Variants in CNOT6L observed in about 807,000 individuals in gnomAD.
CNOT6L encodes the protein CCR4-NOT transcription complex subunit 6 like.
In CNOT6L, 7 loss-of-function variants were observed where a neutral mutation model predicts 64.0. That is an observed-to-expected ratio of 0.11 (90% CI 0.06 to 0.21). The LOEUF (loss-of-function observed/expected upper bound fraction) is 0.21, where lower values mean the gene tolerates loss of function less well. CNOT6L is among the 10% of genes least tolerant of loss of function. CNOT6L has a pLI of 1.00. For synonymous variants in CNOT6L, 193 were observed against 243.4 expected (o/e 0.79, Z 1.93); for missense variants, 245 against 669.0 (o/e 0.37, Z 6.99).
chr4:77,764,704 T>C (rs1036479108), intron 4 of CNOT6L, among the ~76,000 whole-genome samples: 1 of 152,180 alleles, frequency 6.6e-6, no homozygotes, highest in Non-Finnish European at 1.5e-5. Context: ...TATCACCTTT[T>C]GTCAGAACTC....
chr4:77,775,803 T>C (rs1031957830), intron 2 of CNOT6L, among the ~76,000 whole-genome samples: 1 of 152,200 alleles, frequency 6.6e-6, no homozygotes, highest in African/African-American at 2.4e-5. Flanking sequence ...GTTTTTCTCA[T>C]TATTAGACTG....
At position 77,757,273 on chromosome 4, in the gene CNOT6L, C is replaced by G. The variant is rs563727736; in HGVS notation, c.401-322G>C. 1.2e-4 allele frequency among the ~76,000 whole-genome samples: 19 copies of G among 152,182 alleles called. 1 individual carries two copies. The South Asian group carries it at 3.9e-3, about 32-fold the overall frequency. The stretch of plus-strand genomic sequence containing the variant: ...TTCTACATTAATCTTTGAAAACCTG[C>G]ATTTATCTTTTAAGACCACAGACAA... On this transcript the variant is annotated intron_variant, in intron 4 of 11. Transcript: ENST00000504123.
chr4:77,768,861 C>CTCA (rs1727194295), intron 4 of CNOT6L, among the ~76,000 whole-genome samples: 8 of 152,020 alleles, frequency 5.3e-5, no homozygotes, highest in Admixed American at 2.0e-4. Context: ...TCTTTTAGTA[C>CTCA]AACCACTTTG....
chr4:77,725,797 G>A (rs1326218218), intron 11 of CNOT6L, among the ~76,000 whole-genome samples: 2 of 152,056 alleles, frequency 1.3e-5, no homozygotes, highest in African/African-American at 2.4e-5. Context: ...GTGCTTTTCT[G>A]TGGGGGGCGG....
intron 6 of CNOT6L, among the ~76,000 whole-genome samples, chr4:77,745,320 A>G (rs1242628103): frequency 6.6e-6 from 1 of 152,236 alleles, no homozygotes; most frequent in Admixed American, 6.5e-5. Flanking sequence ...GCAGAAGAGT[A>G]TGGACTAACA....
chr4:77,726,227 T>C lies in CNOT6L; in HGVS notation c.1395A>G (p.Gln465=), dbSNP rs1168955793. The part of the protein sequence containing the change: ...SSEGRITHGF[Q]LKSAYENNLM... ...AGTTATTTTCATAGGCGCTCTTAAG[T>C]TGGAAGCCATGTGTGATTCTCCCTT... The change falls in exon 11 of 12, where the codon CAA becomes CAG. Residue 465 remains glutamine, a synonymous_variant. Coordinates refer to ENST00000504123, the MANE Select transcript of CNOT6L (RefSeq NM_144571.3). 1.2e-6 allele frequency: 2 copies of C among 1,613,904 alleles called. No individual in the cohort carries two copies. Among genetic ancestry groups the C allele is most frequent in the Non-Finnish European group, 1.7e-6 (2 of 1,179,808 alleles).
At chr4:77,790,391 T>C (rs1431784608) in intron 1 of CNOT6L, among the ~76,000 whole-genome samples, 2 of 152,236 alleles carry the variant, frequency 1.3e-5, no homozygotes, top group African/African-American at 4.8e-5. Flanking sequence ...GGTTTTTGTG[T>C]AGACATAAGT....
intron 4 of CNOT6L, among the ~76,000 whole-genome samples, chr4:77,770,536 A>G (rs1422067516): frequency 6.6e-6 from 1 of 152,212 alleles, no homozygotes; most frequent in Non-Finnish European, 1.5e-5. Flanking sequence ...GGTTTTCTGG[A>G]TCACCTTGGA....
chr4:77,728,780 T>C (rs1038055236), intron 10 of CNOT6L, 74 bp downstream of exon 10: 14 of 1,146,318 alleles, frequency 1.2e-5, no homozygotes, highest in Non-Finnish European at 1.8e-5. Context: ...TACTCAAAAT[T>C]TAGGAGCTAG....
intron 1 of CNOT6L, among the ~76,000 whole-genome samples, chr4:77,816,697 CAAAT>C (rs1476707143): frequency 2.6e-5 from 4 of 152,024 alleles, no homozygotes; most frequent in African/African-American, 9.7e-5. Context: ...ATTATTGATA[CAAAT>C]AAATTACGTA....
intron 4 of CNOT6L, among the ~76,000 whole-genome samples, chr4:77,760,977 A>G (rs1726163582): frequency 6.8e-6 from 1 of 147,546 alleles, no homozygotes; most frequent in African/African-American, 2.5e-5. Context: ...CGGCCTCCCA[A>G]AGTGCTGGGA....
intron 1 of CNOT6L, among the ~76,000 whole-genome samples, chr4:77,787,295 G>A (rs1162284568): frequency 1.3e-5 from 2 of 151,958 alleles, no homozygotes; most frequent in Admixed American, 6.6e-5. Flanking sequence ...AATAATAATA[G>A]ATGACACTAC....
chr4:77,742,346 T>G, intron 7 of CNOT6L, 51 bp from the exon 8 acceptor site: 1 of 1,494,204 alleles, frequency 6.7e-7, no homozygotes, highest in Non-Finnish European at 9.2e-7. Context: ...AAATGCTGAT[T>G]AAGATATAAA....
chr4:77,747,048 A>T (rs1724272502), intron 6 of CNOT6L, among the ~76,000 whole-genome samples: 1 of 152,148 alleles, frequency 6.6e-6, no homozygotes, highest in African/African-American at 2.4e-5. Context: ...ACTAAAAAAA[A>T]AAAAGACTTG....
chr4:77,742,056 T>C, intron 8 of CNOT6L, 85 bp downstream of exon 8: 1 of 1,289,484 alleles, frequency 7.8e-7, no homozygotes, highest in Middle Eastern at 1.9e-4. Context: ...CTGTTGATTT[T>C]ATAGGGCAAA....
chr4:77,803,542 A>G (rs35735677), intron 1 of CNOT6L, among the ~76,000 whole-genome samples: 39,352 of 152,170 alleles, frequency 0.26, 6,286 homozygotes, highest in East Asian at 0.48. Flanking sequence ...ATACAGAAAT[A>G]AATTGTCAAT....
At chr4:77,782,150 G>A (rs1728929757) in intron 1 of CNOT6L, among the ~76,000 whole-genome samples, 1 of 152,082 alleles carries the variant, frequency 6.6e-6, no homozygotes, top group African/African-American at 2.4e-5. Flanking sequence ...TTACGGAAGG[G>A]AAAACATGTT....
At chr4:77,766,485 G>A (rs1193842704) in intron 4 of CNOT6L, among the ~76,000 whole-genome samples, 1 of 151,172 alleles carries the variant, frequency 6.6e-6, no homozygotes, top group Non-Finnish European at 1.5e-5. Context: ...AACATCATAT[G>A]AATTATCCTA....
rs1050795485 is a variant in CNOT6L at position 77,738,827 on chromosome 4, A to C, written c.872+3314T>G. ...TTATATACATATAAGAAACATATGC[A>C]TATGTATGAATGTATTTTATAAAAT... On this transcript the variant is annotated intron_variant, in intron 8 of 11. Transcript: ENST00000504123. 3.9e-5 allele frequency among the ~76,000 whole-genome samples: 6 copies of C among 151,992 alleles called. No homozygotes were observed. In the East Asian group the frequency reaches 9.6e-4, roughly 24 times the overall value.
Sources: allele counts gnomAD v4.1 joint callset (sites outside exome capture counted in the v4.1 genomes callset), GRCh38; gene constraint gnomAD v4.1.1; transcripts MANE v1.5; gene names NCBI Gene and HGNC (gene_info 2026-07-23, HGNC 2026-07-21).